Variants in NLRP13 observed in about 807,000 individuals in gnomAD.
The protein encoded by NLRP13 is NACHT, LRR and PYD domains-containing protein 13.
A neutral mutation model predicts 94.4 loss-of-function variants in NLRP13; 82 were observed. The observed-to-expected ratio is 0.87, with a 90% confidence interval of 0.73 to 1.04. NLRP13 has a LOEUF of 1.04. Ranked by LOEUF, NLRP13 falls within the 50% of genes least tolerant of loss-of-function variation. The probability of loss-of-function intolerance (pLI) is 0.00; values close to 1 mark genes in which losing one functional copy is unlikely to be tolerated. For synonymous variants in NLRP13, 553 were observed against 464.7 expected (o/e 1.19, Z -2.45); for missense variants, 1,426 against 1,230.8 (o/e 1.16, Z -2.37).
intron 1 of NLRP13, among the ~76,000 whole-genome samples, chr19:55,927,249 C>T (rs1986986817): frequency 6.6e-6 from 1 of 151,552 alleles, no homozygotes; most frequent in Non-Finnish European, 1.5e-5. Context: ...GGCGCCTGTA[C>T]TCCCAGCTAT....
chr19:55,920,819 A>G (rs559789969), intron 4 of NLRP13, among the ~76,000 whole-genome samples: 2 of 152,326 alleles, frequency 1.3e-5, no homozygotes, highest in Admixed American at 6.5e-5. Context: ...TTGCAGCAGT[A>G]TTCACAGTAG....
chr19:55,913,956 A>G (rs1053492417), intron 4 of NLRP13, among the ~76,000 whole-genome samples: 5 of 152,128 alleles, frequency 3.3e-5, no homozygotes, highest in Admixed American at 6.5e-5. Context: ...TCAGAGCAAC[A>G]AGGGATTTGG....
chr19:55,911,571 G>C lies in NLRP13; in HGVS notation c.2111+135C>G, dbSNP rs891635229. ...AAGGACAACATTCTTTCAAGTTAGA[G>C]CTGCTCCAGACCATTTGGTCGGAAA... On this transcript the variant is annotated intron_variant, in intron 5 of 10. Transcript: ENST00000342929. 1.5e-5 allele frequency: 12 copies of C among 794,230 alleles called. No homozygotes were observed. The Admixed American group carries it at 3.0e-4, about 20-fold the overall frequency. The allele number at this position is 794,230 out of a possible 1,614,324, so 49.2% of individuals were successfully genotyped here.
chr19:55,918,585 C>T (rs977531338), intron 4 of NLRP13, among the ~76,000 whole-genome samples: 3 of 152,026 alleles, frequency 2.0e-5, no homozygotes, highest in African/African-American at 7.2e-5. Context: ...TCAGAGACTA[C>T]TATGGACAAC....
intron 4 of NLRP13, among the ~76,000 whole-genome samples, chr19:55,914,548 A>G (rs1986630521): frequency 6.6e-6 from 1 of 152,328 alleles, no homozygotes; most frequent in East Asian, 1.9e-4. Flanking sequence ...ATATGTAACT[A>G]TTACATATCT....
chr19:55,910,475 G>T, intron 6 of NLRP13, 88 bp downstream of exon 6: 1 of 1,294,692 alleles, frequency 7.7e-7, no homozygotes, highest in Non-Finnish European at 1.0e-6. Flanking sequence ...CTTGCCTTCT[G>T]GCAAATAGTC....
At chr19:55,906,855 A>G (rs1027655517) in intron 7 of NLRP13, among the ~76,000 whole-genome samples, 28 of 152,172 alleles carry the variant, frequency 1.8e-4, no homozygotes, top group African/African-American at 6.0e-4. Context: ...AGCATGGTCC[A>G]TGATCCAGCA....
At chr19:55,893,281 G>C (rs1053495756), downstream of NLRP13, among the ~76,000 whole-genome samples, 3 of 152,018 alleles carry the variant, frequency 2.0e-5, no homozygotes, top group South Asian at 2.1e-4. Flanking sequence ...CAGGCTACTC[G>C]GGAGGCTGAG....
Position 55,913,548 on chromosome 19 carries a change from CAAAAA to C in NLRP13, c.524-260_524-256del, listed in dbSNP as rs10530056. On this transcript the variant is annotated intron_variant, in intron 4 of 10. Transcript: ENST00000342929. ...TGGGTGACAGAGTGAGACTCCGTCTCAAAAAAAAAAAAAAAAAAAAAAAGTTGCAA... is the reference window on the plus strand; with the variant it reads ...TGGGTGACAGAGTGAGACTCCGTCTCAAAAAAAAAAAAAAAAAAGTTGCAA... Among the ~76,000 whole-genome samples the C allele has an allele frequency of 5.0e-4, 26 of 52,070 alleles. 1 individual carries two copies. Among genetic ancestry groups the C allele is most frequent in the South Asian group, 9.2e-4 (1 of 1,082 alleles). The allele number at this position is 52,070 out of a possible 152,430, so 34.2% of individuals were successfully genotyped here.
chr19:55,930,070 C>T (rs75662584), intron 1 of NLRP13, among the ~76,000 whole-genome samples: 12,277 of 152,162 alleles, frequency 0.081, 576 homozygotes, highest in South Asian at 0.17. Flanking sequence ...CCAGAAGATA[C>T]ACAAAGCCCG....
chr19:55,911,589 G>C (rs1986509847), intron 5 of NLRP13, 117 bp downstream of exon 5: 2 of 973,430 alleles, frequency 2.1e-6, no homozygotes, highest in African/African-American at 3.3e-5. Context: ...AGACCATTTG[G>C]TCGGAAATAA....
chr19:55,925,456 T>A (rs139451578), intron 1 of NLRP13, among the ~76,000 whole-genome samples: 344 of 152,356 alleles, frequency 2.3e-3, no homozygotes, highest in African/African-American at 7.7e-3. Context: ...CCATGTGATT[T>A]ATGCGTTATG....
At chr19:55,902,610 G>T (rs1319859491) in intron 8 of NLRP13, among the ~76,000 whole-genome samples, 2 of 152,168 alleles carry the variant, frequency 1.3e-5, no homozygotes, top group African/African-American at 2.4e-5. Flanking sequence ...CAGTAGGATG[G>T]TCTGGCAGAG....
intron 3 of NLRP13, 38 bp from the exon 4 acceptor site, chr19:55,924,017 C>T (rs777539220): frequency 6.5e-7 from 1 of 1,541,048 alleles, no homozygotes; most frequent in South Asian, 1.1e-5. Context: ...GAAAATACCC[C>T]AGACTGAAAA....
intron 4 of NLRP13, among the ~76,000 whole-genome samples, 167 bp downstream of exon 4, chr19:55,923,747 C>T (rs1036806760): frequency 5.3e-5 from 8 of 152,124 alleles, no homozygotes; most frequent in African/African-American, 1.9e-4. Flanking sequence ...TTGGACCTGG[C>T]ATTTTTCAAC....
chr19:55,910,842 TTCCTAA>T, intron 5 of NLRP13, 109 bp from the exon 6 acceptor site: 1 of 1,018,828 alleles, frequency 9.8e-7, no homozygotes, highest in Non-Finnish European at 1.4e-6. Flanking sequence ...TATTATAATT[TTCCTAA>T]TGTGGCTGGG....
intron 8 of NLRP13, among the ~76,000 whole-genome samples, chr19:55,902,693 A>G (rs905616969): frequency 2.0e-5 from 3 of 152,192 alleles, no homozygotes; most frequent in African/African-American, 7.2e-5. Context: ...TACAGGTTAT[A>G]GAAGATTATT....
At chr19:55,929,072 A>G (rs888528707) in intron 1 of NLRP13, among the ~76,000 whole-genome samples, 1 of 152,256 alleles carries the variant, frequency 6.6e-6, no homozygotes, top group African/African-American at 2.4e-5. Context: ...TCAAAACCAC[A>G]ATGAGATACC....
chr19:55,893,730 T>TG (rs1985921821), downstream of NLRP13, among the ~76,000 whole-genome samples: 1 of 152,220 alleles, frequency 6.6e-6, no homozygotes, highest in Non-Finnish European at 1.5e-5. Flanking sequence ...CTCATTAATC[T>TG]GCATCTAGCA....
Sources: allele counts gnomAD v4.1 joint callset (sites outside exome capture counted in the v4.1 genomes callset), GRCh38; gene constraint gnomAD v4.1.1; transcripts MANE v1.5; gene names NCBI Gene and HGNC (gene_info 2026-07-23, HGNC 2026-07-21).